ARPC3: variants seen among roughly 807,000 people sequenced by gnomAD.
The protein encoded by ARPC3 is actin-related protein 2/3 complex subunit 3.
Under a neutral mutation model 27.6 loss-of-function variants are expected in ARPC3, and 12 were observed. The ratio of observed to expected loss-of-function variants is 0.43; its 90% CI spans 0.28 to 0.70. ARPC3 has a LOEUF of 0.70. Ranked by LOEUF, ARPC3 falls within the 30% of genes least tolerant of loss-of-function variation. The pLI, the probability that ARPC3 is intolerant of heterozygous loss-of-function variation, is 0.17. For synonymous variants in ARPC3, 53 were observed against 67.2 expected (o/e 0.79, Z 1.03); for missense variants, 153 against 207.7 (o/e 0.74, Z 1.62).
rs1217344188 is a variant in ARPC3 at position 110,437,018 on chromosome 12, G to A, written c.252+66C>T. 7 of 1,064,140 alleles carry A rather than the reference G, an allele frequency of 6.6e-6. No homozygotes were observed. The African/African-American group carries it at 9.3e-5, about 14-fold the overall frequency. 65.9% of individuals were successfully genotyped at this position (1,064,140 alleles called of 1,614,324 possible). A position where few individuals can be genotyped will look rare whatever the true frequency, so the allele number is the denominator to read the frequency against. On this transcript the variant is annotated intron_variant, in intron 4 of 6. Transcript: ENST00000228825. Reference sequence around the variant, plus strand: ...TTTAAAGTCTCAACAAATCCCAGATGACTGGGAGGGTAAATGCCTCTCAGC... The same window carrying A: ...TTTAAAGTCTCAACAAATCCCAGATAACTGGGAGGGTAAATGCCTCTCAGC...
intron 1 of ARPC3, 125 bp from the exon 2 acceptor site, chr12:110,445,676 G>A (rs1000535968): frequency 4.0e-6 from 3 of 758,170 alleles, no homozygotes; most frequent in Non-Finnish European, 4.7e-6. Context: ...AGGGAGAAGG[G>A]ATAGCAGCAT....
At chr12:110,437,026 G>A in intron 4 of ARPC3, 58 bp downstream of exon 4, 5 of 1,136,226 alleles carry the variant, frequency 4.4e-6, no homozygotes, top group Non-Finnish European at 6.7e-6. Context: ...ATGACTGGGA[G>A]GGTAAATGCC....
intron 3 of ARPC3, chr12:110,437,435 T>C (rs1184428072): frequency 2.8e-6 from 1 of 357,286 alleles, no homozygotes; most frequent in African/African-American, 2.1e-5. Context: ...TGGCACAATC[T>C]CAGCTCACTG....
intron 1 of ARPC3, among the ~76,000 whole-genome samples, chr12:110,447,149 G>A (rs76769595): frequency 1.3e-5 from 2 of 152,156 alleles, no homozygotes; most frequent in African/African-American, 2.4e-5. Context: ...ACTTCATGGC[G>A]TTATGCTTTT....
intron 2 of ARPC3, among the ~76,000 whole-genome samples, chr12:110,440,929 G>A (rs1282489235): frequency 6.7e-6 from 1 of 150,074 alleles, no homozygotes; most frequent in Non-Finnish European, 1.5e-5. Flanking sequence ...TGCAAGCTCC[G>A]CCTCCCGGGT....
intron 1 of ARPC3, among the ~76,000 whole-genome samples, chr12:110,446,100 CAAA>C (rs1354211600): frequency 1.0e-5 from 1 of 95,590 alleles, no homozygotes. Context: ...AAGACTGTCT[CAAA>C]AAAAAAAAAA....
rs1326208311 is a variant in ARPC3, at chr12:110,437,159, G to A, written c.184-7C>T. The A allele has an allele frequency of 6.4e-7, 1 of 1,565,884 alleles. No individual in the cohort carries two copies. Among genetic ancestry groups the A allele is most frequent in the Admixed American group, 1.7e-5 (1 of 59,904 alleles). On this transcript the variant is annotated splice_region_variant and splice_polypyrimidine_tract_variant and intron_variant, in intron 3 of 6. Transcript: ENST00000228825. ...AGGTCCTATCAGCTTCATTCTACAG[G>A]GAGAAAAAGAAGACTTAAAAACAGT...
At chr12:110,448,788 G>T (rs1484585484) in intron 1 of ARPC3, among the ~76,000 whole-genome samples, 1 of 106,832 alleles carries the variant, frequency 9.4e-6, no homozygotes, top group East Asian at 2.6e-4. Flanking sequence ...CGGGGGGGGG[G>T]GGGGTGGTGG....
intron 1 of ARPC3, among the ~76,000 whole-genome samples, chr12:110,448,927 C>T (rs2062482318): frequency 6.6e-6 from 1 of 151,790 alleles, no homozygotes; most frequent in African/African-American, 2.4e-5. Flanking sequence ...AGGCACGCAC[C>T]ACCACGCCTG....
At chr12:110,438,744 A>T (rs993010134) in intron 3 of ARPC3, among the ~76,000 whole-genome samples, 34 of 150,022 alleles carry the variant, frequency 2.3e-4, no homozygotes, top group African/African-American at 8.1e-4. Context: ...CCTGGGTTCA[A>T]GTGATTCTCC....
chr12:110,436,888 C>CTTT (rs1316173227), intron 4 of ARPC3, 196 bp downstream of exon 4: 1 of 664,390 alleles, frequency 1.5e-6, no homozygotes, highest in East Asian at 2.7e-5. Context: ...AACACCACTA[C>CTTT]TTTTATCTTT....
At chr12:110,444,114 C>A (rs892334970) in intron 2 of ARPC3, among the ~76,000 whole-genome samples, 8 of 151,740 alleles carry the variant, frequency 5.3e-5, no homozygotes, top group Non-Finnish European at 1.2e-4. Context: ...GGATTACAGG[C>A]ATGCGCCACC....
At position 110,445,438 on chromosome 12, in the gene ARPC3, G is replaced by GT. The variant is rs758472745; in HGVS notation, c.106+13_106+14insA. On this transcript the variant is annotated intron_variant, in intron 2 of 6. Transcript: ENST00000228825. The stretch of plus-strand genomic sequence containing the variant: ...TTTCGTACCAAAATTTGAAAATAAT[G>GT]GGTTTAGACTTACTCTCTCTGGGGG... The GT allele has an allele frequency of 6.3e-7, 1 of 1,575,106 alleles. No individual in the cohort carries two copies. The highest frequency in any genetic ancestry group is 2.2e-5 in the East Asian group (1 of 44,682).
chr12:110,449,869 G>A (rs1387979226), intron 1 of ARPC3, among the ~76,000 whole-genome samples: 1 of 152,150 alleles, frequency 6.6e-6, no homozygotes, highest in East Asian at 1.9e-4. Flanking sequence ...ACCCCGGGGC[G>A]GAGGAGGAAG....
At chr12:110,439,677 A>G (rs966033724) in intron 3 of ARPC3, among the ~76,000 whole-genome samples, 2 of 152,182 alleles carry the variant, frequency 1.3e-5, no homozygotes, top group African/African-American at 4.8e-5. Flanking sequence ...TACTAAAAAT[A>G]CAAAAAATTA....
chr12:110,439,134 C>A (rs1329753702), intron 3 of ARPC3, among the ~76,000 whole-genome samples: 5 of 151,758 alleles, frequency 3.3e-5, no homozygotes, highest in Admixed American at 6.6e-5. Flanking sequence ...TACAGGCATG[C>A]ACTACTACAC....
At chr12:110,450,123 C>T in intron 1 of ARPC3, 132 bp downstream of exon 1, 1 of 1,346,700 alleles carries the variant, frequency 7.4e-7, no homozygotes, top group South Asian at 1.2e-5. Context: ...GGTCCCCTCC[C>T]CTCGCCTCCC....
At chr12:110,442,032 C>T (rs1429188412) in intron 2 of ARPC3, among the ~76,000 whole-genome samples, 2 of 109,102 alleles carry the variant, frequency 1.8e-5, no homozygotes, top group African/African-American at 3.4e-5. Flanking sequence ...ACTCTGTCTC[C>T]AAAAAAAAAA....
intron 3 of ARPC3, among the ~76,000 whole-genome samples, chr12:110,439,662 G>A (rs549126876): frequency 5.3e-5 from 8 of 152,148 alleles, no homozygotes; most frequent in East Asian, 3.9e-4. Flanking sequence ...GTGAAACCCC[G>A]TCTCTACTAA....
Sources: gnomAD v4.1 joint callset for allele counts (sites outside exome capture counted in the v4.1 genomes callset) on GRCh38, gnomAD v4.1.1 for gene constraint, MANE v1.5 for transcripts, NCBI Gene and HGNC (gene_info 2026-07-23, HGNC 2026-07-21) for gene names.